MAD2L2: variants seen among roughly 807,000 people sequenced by gnomAD.
The protein encoded by MAD2L2 is mitotic arrest deficient 2 like 2.
In MAD2L2, 17 loss-of-function variants were observed where a neutral mutation model predicts 30.5. That is an observed-to-expected ratio of 0.56 (90% CI 0.38 to 0.84). The LOEUF (loss-of-function observed/expected upper bound fraction) is 0.84, where lower values mean the gene tolerates loss of function less well. Among genes scored for constraint, MAD2L2 ranks in the 40% least tolerant of loss-of-function variants. The pLI is 0.00. For synonymous variants in MAD2L2, 101 were observed against 113.9 expected, an observed-to-expected ratio of 0.89 and a Z score of 0.72; for missense variants, 213 against 277.4, an observed-to-expected ratio of 0.77 and a Z score of 1.65.
At chr1:11,681,976 T>G (rs1470857937), upstream of MAD2L2, 2 of 152,154 alleles carry the variant, frequency 1.3e-5, no homozygotes, top group Non-Finnish European at 2.9e-5. Flanking sequence ...GGGCGTGGAC[T>G]CGGTCTGGAA....
chr1:11,677,443 C>A (rs756168550), intron 4 of MAD2L2, 100 bp downstream of exon 4: 11 of 1,169,534 alleles, frequency 9.4e-6, no homozygotes, highest in African/African-American at 1.5e-5. Context: ...GAAGACCCCA[C>A]AGAGTCCTAG....
At chr1:11,680,705 G>A (rs2100712876) in intron 1 of MAD2L2, 92 bp from the exon 2 acceptor site, 2 of 1,478,868 alleles carry the variant, frequency 1.4e-6, no homozygotes, top group South Asian at 2.8e-5. Context: ...CCCACAGTCT[G>A]TGGGAACTGG....
intron 1 of MAD2L2, 144 bp downstream of exon 1, chr1:11,680,895 C>G: frequency 1.5e-6 from 1 of 680,706 alleles, no homozygotes; most frequent in Non-Finnish European, 2.0e-6. Context: ...GCCGCGGACG[C>G]AGAGGGAAAC....
chr1:11,675,512 T>C (rs1640747349), intron 7 of MAD2L2, 146 bp downstream of exon 7: 4 of 791,208 alleles, frequency 5.1e-6, no homozygotes, highest in Middle Eastern at 5.5e-4. Flanking sequence ...GATGGAGCAG[T>C]GGACAGGCCT....
At chr1:11,686,991 A>G (rs1412669396) in intron 1 of MAD2L2, among the ~76,000 whole-genome samples, 1 of 152,130 alleles carries the variant, frequency 6.6e-6, no homozygotes, top group Admixed American at 6.5e-5. Context: ...TCATGCCCAA[A>G]GTGTGTTGCC....
chr1:11,686,877 C>T (rs1640966854), intron 1 of MAD2L2, among the ~76,000 whole-genome samples: 1 of 148,924 alleles, frequency 6.7e-6, no homozygotes, highest in Non-Finnish European at 1.5e-5. Flanking sequence ...TTCACATTTT[C>T]CCTGGGTACA....
chr1:11,675,049 A>T, intron 8 of MAD2L2, 33 bp downstream of exon 8: 1 of 1,535,684 alleles, frequency 6.5e-7, no homozygotes. Context: ...AGCAGCCCCT[A>T]AATAAAGCTT....
intron 3 of MAD2L2, among the ~76,000 whole-genome samples, chr1:11,678,792 T>A (rs1033219634): frequency 6.6e-6 from 1 of 152,198 alleles, no homozygotes; most frequent in South Asian, 2.1e-4. Context: ...ACACATAACA[T>A]ACAGAACATC....
rs80319573 is a variant in MAD2L2, at chr1:11,690,425, G to A, written c.-692+988C>T. 5.2e-3 allele frequency among the ~76,000 whole-genome samples: 790 copies of A among 152,284 alleles called. 4 individuals carry two copies. Among genetic ancestry groups the A allele is most frequent in the South Asian group, 0.021 (101 of 4,832 alleles). ...TTCCTATGGGCCAGACCTTAGAAAC[G>A]TTATCTCCTTACACAGGGCACTGCA... On this transcript the variant is annotated intron_variant, in intron 1 of 10. Transcript: ENST00000235310. The surrounding 1 kb of genome is among the most constrained non-coding windows in gnomAD (Gnocchi z 4.2).
At chr1:11,681,544 GC>G (rs1214246780), upstream of MAD2L2, 1 of 152,190 alleles carries the variant, frequency 6.6e-6, no homozygotes, top group Admixed American at 6.6e-5. Flanking sequence ...GAATCCTCTG[GC>G]TCGGGGGCGG....
chr1:11,689,665 G>A (rs1014679149), intron 1 of MAD2L2, among the ~76,000 whole-genome samples: 4 of 152,178 alleles, frequency 2.6e-5, no homozygotes, highest in Non-Finnish European at 5.9e-5. Context: ...ACATCATCAG[G>A]AAATAACCAT....
chr1:11,674,648 G>T lies in MAD2L2; in HGVS notation c.*127C>A. 9.8e-7 allele frequency: 1 copy of T among 1,018,558 alleles called. No individual in the cohort carries two copies. The highest frequency in any genetic ancestry group is 1.5e-6 in the Non-Finnish European group (1 of 666,004). The allele number at this position is 1,018,558 out of a possible 1,614,324, so 63.1% of individuals were successfully genotyped here. On this transcript the variant is annotated 3_prime_UTR_variant, in exon 9 of 9. Transcript: ENST00000376692. The surrounding 1 kb of genome is among the most constrained non-coding windows in gnomAD (Gnocchi z 6.1). ...AAGCAGACCTGAGCGGCCCCGGGCT[G>T]GGGCGGGCGATCCACACACAGAGGC...
chr1:11,674,619 C>T lies in MAD2L2; in HGVS notation c.*156G>A. ...TCACTGCCCTCCTGGGGGAGGCATC[C>T]TCCAAGCAGACCTGAGCGGCCCCGG... On this transcript the variant is annotated 3_prime_UTR_variant, in exon 9 of 9. Transcript: ENST00000376692. This position sits in a 1 kb window ranked among gnomAD's most constrained non-coding sequence, Gnocchi z 6.1. The T allele has an allele frequency of 2.8e-6, 2 of 719,442 alleles. No homozygotes were observed. Among genetic ancestry groups the T allele is most frequent in the Non-Finnish European group, 4.7e-6 (2 of 427,940 alleles). The allele number at this position is 719,442 out of a possible 1,614,324, so 44.6% of individuals were successfully genotyped here.
intron 1 of MAD2L2, among the ~76,000 whole-genome samples, chr1:11,691,069 A>AT (rs1641053692): frequency 6.6e-6 from 1 of 152,098 alleles, no homozygotes; most frequent in Non-Finnish European, 1.5e-5. Context: ...GTACCCCTAC[A>AT]TCCAGGAGCG....
At chr1:11,675,918 G>C in intron 6 of MAD2L2, 128 bp downstream of exon 6, 2 of 921,266 alleles carry the variant, frequency 2.2e-6, no homozygotes, top group Non-Finnish European at 3.6e-6. Flanking sequence ...AAGCTTCCCA[G>C]AGGAGGTGGA....
upstream of MAD2L2, among the ~76,000 whole-genome samples, chr1:11,684,928 CTT>C (rs60300457): frequency 1.7e-3 from 251 of 145,604 alleles, 3 homozygotes; most frequent in African/African-American, 4.7e-3. Flanking sequence ...CTCTCTCTCT[CTT>C]TTTTTTTTTT....
chr1:11,675,840 T>G (rs751500020), intron 6 of MAD2L2, 109 bp from the exon 7 acceptor site: 1 of 1,019,908 alleles, frequency 9.8e-7, no homozygotes, highest in South Asian at 1.3e-5. Context: ...CCAGAGCAGA[T>G]GGCAAAGCAA....
chr1:11,677,059 T>C, intron 4 of MAD2L2, 111 bp from the exon 5 acceptor site: 5 of 812,058 alleles, frequency 6.2e-6, no homozygotes, highest in Non-Finnish European at 1.0e-5. Flanking sequence ...CTCACAGCCC[T>C]GCTCAGCTGC....
At chr1:11,679,973 G>C (rs1024855625) in intron 3 of MAD2L2, among the ~76,000 whole-genome samples, 8 of 146,724 alleles carry the variant, frequency 5.5e-5, no homozygotes, top group African/African-American at 2.0e-4. Flanking sequence ...GGCTTGGCCC[G>C]AAGTGGAAGA....
Sources: gnomAD v4.1 joint callset for allele counts (sites outside exome capture counted in the v4.1 genomes callset) on GRCh38, gnomAD v4.1.1 for gene constraint, Gnocchi (gnomAD v3.1) non-coding constraint, MANE v1.5 for transcripts, NCBI Gene and HGNC (gene_info 2026-07-23, HGNC 2026-07-21) for gene names.